The following CTNNA2 variants were observed in gnomAD, a reference collection of about 807,000 sequenced individuals.
The protein encoded by CTNNA2 is catenin alpha 2.
A neutral mutation model predicts 101.0 loss-of-function variants in CTNNA2; 42 were observed. The observed-to-expected ratio is 0.42, with a 90% CI of 0.32 to 0.54. The LOEUF is 0.54. Among genes scored for constraint, CTNNA2 ranks in the 20% least tolerant of loss-of-function variants. The pLI, the probability that CTNNA2 is intolerant of heterozygous loss-of-function variation, is 0.14. For missense variants in CTNNA2, 871 were observed against 1,223.1 expected (o/e 0.71, Z 4.29); for synonymous variants, 450 against 456.4 (o/e 0.99, Z 0.18).
At chr2:79,221,496 C>T (rs1317459236) in intron 2 of CTNNA2, among the ~76,000 whole-genome samples, 1 of 152,120 alleles carries the variant, frequency 6.6e-6, no homozygotes, top group Admixed American at 6.5e-5. Context: ...GGTATACTTG[C>T]AGTTGTACTT....
intron 3 of CTNNA2, among the ~76,000 whole-genome samples, chr2:79,796,665 C>T (rs1675728818): frequency 6.6e-6 from 1 of 152,114 alleles, no homozygotes; most frequent in Non-Finnish European, 1.5e-5. Flanking sequence ...TGCTTTTGGG[C>T]AGGTCCAGGG....
chr2:80,212,733 A>C (rs987420154), intron 7 of CTNNA2, among the ~76,000 whole-genome samples: 5 of 152,174 alleles, frequency 3.3e-5, no homozygotes, highest in African/African-American at 1.2e-4. Flanking sequence ...CTGGCCTCAT[A>C]GAATGAGTTA....
rs191539931 is a variant in CTNNA2, at chr2:80,272,417, G to A, written c.1057-120794G>A. ...CATTTTCAAAATGTGATTTCCAAAGGCTGAAAGTTTTATTTAAATCTTTCT... is the reference window on the plus strand; with the variant it reads ...CATTTTCAAAATGTGATTTCCAAAGACTGAAAGTTTTATTTAAATCTTTCT... On this transcript the variant is annotated intron_variant, in intron 7 of 18. Transcript: ENST00000402739. Among the ~76,000 whole-genome samples, 14 of 152,280 alleles carry A rather than the reference G, an allele frequency of 9.2e-5. No individual in the cohort carries two copies. In the East Asian group the frequency reaches 2.7e-3, roughly 29 times the overall value.
intron 4 of CTNNA2, among the ~76,000 whole-genome samples, chr2:79,384,011 A>C (rs6757468): frequency 0.094 from 14,313 of 152,188 alleles, 2,263 homozygotes; most frequent in African/African-American, 0.33. Flanking sequence ...AAGAGTGGGA[A>C]GGACGTAGAG....
chr2:79,668,383 A>G (rs1054521209), intron 2 of CTNNA2, among the ~76,000 whole-genome samples: 1 of 151,228 alleles, frequency 6.6e-6, no homozygotes, highest in Non-Finnish European at 1.5e-5. Flanking sequence ...AAATGAATGT[A>G]TGAGCTAATT....
chr2:79,359,100 C>T (rs1865333), intron 3 of CTNNA2, among the ~76,000 whole-genome samples: 149,628 of 152,250 alleles, frequency 0.98, 73,541 homozygotes, highest in East Asian at 1. Context: ...CTTTTGAGTA[C>T]AACATAAAAA....
chr2:79,706,892 A>C (rs1279867383), intron 2 of CTNNA2, among the ~76,000 whole-genome samples: 1 of 152,182 alleles, frequency 6.6e-6, no homozygotes, highest in Non-Finnish European at 1.5e-5. Context: ...TCTTTATCCA[A>C]TATGGTAAGG....
intron 7 of CTNNA2, among the ~76,000 whole-genome samples, chr2:79,917,697 G>A (rs1686350296): frequency 1.3e-5 from 2 of 152,140 alleles, no homozygotes; most frequent in African/African-American, 4.8e-5. Flanking sequence ...ATCTTAGAGA[G>A]CCAATGGATG....
chr2:80,406,725 G>A (rs2149387592), intron 8 of CTNNA2, among the ~76,000 whole-genome samples: 1 of 151,150 alleles, frequency 6.6e-6, no homozygotes, highest in South Asian at 2.1e-4. Flanking sequence ...TACTCGGGAG[G>A]CTGAGGCAGG....
intron 9 of CTNNA2, among the ~76,000 whole-genome samples, chr2:80,479,801 C>T (rs1052853374): frequency 2.0e-5 from 3 of 152,130 alleles, no homozygotes; most frequent in African/African-American, 7.2e-5. Context: ...ATTTTAATCA[C>T]AGATATTGTG....
At chr2:79,481,192 C>T (rs373520596) in intron 4 of CTNNA2, among the ~76,000 whole-genome samples, 2 of 152,118 alleles carry the variant, frequency 1.3e-5, no homozygotes, top group African/African-American at 4.8e-5. Context: ...ATTATGTAAT[C>T]GGAAAAACTT....
chr2:80,035,571 T>C (rs887977524), intron 7 of CTNNA2, among the ~76,000 whole-genome samples: 1 of 152,130 alleles, frequency 6.6e-6, no homozygotes, highest in Non-Finnish European at 1.5e-5. Context: ...TAAAAATATA[T>C]ATCTCATGAA....
In CTNNA2 at chr2:80,167,240, T is replaced by G. The variant is rs77149577; in HGVS notation, c.1057-225971T>G. ...TTTGTTTATATTTAAACATTTTAAT[T>G]AAAGTTCAAATATATTTTTCTTGTT... On this transcript the variant is annotated intron_variant, in intron 7 of 18. Coordinates refer to ENST00000402739, the MANE Select transcript of CTNNA2 (RefSeq NM_001282597.3). 8.6e-3 allele frequency among the ~76,000 whole-genome samples: 1,310 copies of G among 152,288 alleles called. 23 individuals carry two copies. Among genetic ancestry groups the G allele is most frequent in the African/African-American group, 0.029 (1,214 of 41,566 alleles).
At chr2:80,419,713 T>A (rs1680350269) in intron 9 of CTNNA2, 112 bp downstream of exon 9, 1 of 1,127,566 alleles carries the variant, frequency 8.9e-7, no homozygotes, top group Non-Finnish European at 1.2e-6. Flanking sequence ...AGAAATAAAG[T>A]CCTGGAATCA....
Position 79,535,271 on chromosome 2 carries a change from C to G in CTNNA2, c.-6+22064C>G, listed in dbSNP as rs367651035. Among the ~76,000 whole-genome samples the G allele has an allele frequency of 1.6e-4, 25 of 152,018 alleles. No individual in the cohort carries two copies. The East Asian group carries it at 4.8e-3, about 29-fold the overall frequency. ...CCTGGCTGGAGTTCAGTGGTGCAAT[C>G]TTGGCTCACTGCAACCTCTGCCTCC... On this transcript the variant is annotated intron_variant, in intron 1 of 18. Transcript: ENST00000402739.
intron 3 of CTNNA2, among the ~76,000 whole-genome samples, chr2:79,855,556 T>C (rs1415552070): frequency 6.6e-6 from 1 of 152,146 alleles, no homozygotes; most frequent in Non-Finnish European, 1.5e-5. Context: ...TATATTGGAT[T>C]AGGCATGGTT....
intron 1 of CTNNA2, among the ~76,000 whole-genome samples, chr2:79,619,804 A>G (rs1678876199): frequency 6.6e-6 from 1 of 152,206 alleles, no homozygotes; most frequent in South Asian, 2.1e-4. Context: ...GCACAGCAAT[A>G]TTACACTTAA....
chr2:79,477,069 G>A (rs1302127044), intron 4 of CTNNA2, among the ~76,000 whole-genome samples: 2 of 151,894 alleles, frequency 1.3e-5, no homozygotes, highest in African/African-American at 4.8e-5. Flanking sequence ...AAATATCAAG[G>A]GACAAATCTA....
chr2:79,627,243 C>A (rs1476882708), intron 1 of CTNNA2, among the ~76,000 whole-genome samples: 1 of 152,232 alleles, frequency 6.6e-6, no homozygotes, highest in Non-Finnish European at 1.5e-5. Flanking sequence ...TTTCTTCCAA[C>A]TCTAAAAGCC....
Sources: gnomAD v4.1 joint callset for allele counts (sites outside exome capture counted in the v4.1 genomes callset) on GRCh38, gnomAD v4.1.1 for gene constraint, MANE v1.5 for transcripts, NCBI Gene and HGNC (gene_info 2026-07-23, HGNC 2026-07-21) for gene names.